The following DHX57 variants were observed in gnomAD, a reference collection of about 807,000 sequenced individuals.
The protein encoded by DHX57 is putative ATP-dependent RNA helicase DHX57.
In DHX57, 105 loss-of-function variants were observed where a neutral mutation model predicts 156.2. The ratio of observed to expected loss-of-function variants is 0.67; its 90% CI spans 0.57 to 0.79. The LOEUF (loss-of-function observed/expected upper bound fraction) is 0.79, where lower values mean the gene tolerates loss of function less well. Among genes scored for constraint, DHX57 ranks in the 30% least tolerant of loss-of-function variants. The pLI is 0.00. For synonymous variants in DHX57, 704 were observed against 595.6 expected (o/e 1.18, Z -2.65); for missense variants, 1,847 against 1,661.9 (o/e 1.11, Z -1.94).
intron 21 of DHX57, chr2:38,810,480 C>T (rs531019952): frequency 3.8e-5 from 21 of 548,196 alleles, no homozygotes; most frequent in Non-Finnish European, 7.5e-5. Flanking sequence ...TTCCTTCATC[C>T]TGAGGGAATT....
At chr2:38,840,362 T>C (rs1671920379) in intron 12 of DHX57, among the ~76,000 whole-genome samples, 1 of 151,566 alleles carries the variant, frequency 6.6e-6, no homozygotes, top group East Asian at 2.0e-4. Context: ...AAAGAGAACA[T>C]TGAGATCAAC....
At chr2:38,826,770 C>A (rs1285707685) in intron 14 of DHX57, 81 bp from the exon 15 acceptor site, 1 of 1,450,142 alleles carries the variant, frequency 6.9e-7, no homozygotes, top group African/African-American at 1.4e-5. Flanking sequence ...TCTACTAAAA[C>A]CAACAATATG....
chr2:38,806,264 C>T, intron 22 of DHX57: 1 of 296,254 alleles, frequency 3.4e-6, no homozygotes, highest in Non-Finnish European at 6.2e-6. Flanking sequence ...CCTTTTAAGG[C>T]ACAGATTCAG....
Position 38,828,236 on chromosome 2 carries a change from T to C in DHX57, c.2639+104A>G, listed in dbSNP as rs1214217162. ...CTCATTTCCAGCTGGCATAAACAAA[T>C]GTATGCTCGAAGACTGGTGCTCTTC... On this transcript the variant is annotated intron_variant, in intron 14 of 23. Coordinates refer to ENST00000457308, the MANE Select transcript of DHX57 (RefSeq NM_198963.3). 9.6e-6 allele frequency: 7 copies of C among 728,230 alleles called. No individual in the cohort carries two copies. In the East Asian group the frequency reaches 2.2e-4, roughly 23 times the overall value. The allele number at this position is 728,230 out of a possible 1,614,324, so 45.1% of individuals were successfully genotyped here.
At chr2:38,812,490 G>A (rs1015798978) in intron 21 of DHX57, among the ~76,000 whole-genome samples, 7 of 152,198 alleles carry the variant, frequency 4.6e-5, no homozygotes, top group East Asian at 3.8e-4. Flanking sequence ...CTCAAGTAGG[G>A]TTTCCAGAAG....
intron 2 of DHX57, 68 bp from the exon 3 acceptor site, chr2:38,863,587 GTCCCC>G: frequency 6.7e-7 from 1 of 1,483,670 alleles, no homozygotes; most frequent in Non-Finnish European, 9.1e-7. Context: ...CTCCTCAGGG[GTCCCC>G]AGATATACAC....
intron 9 of DHX57, among the ~76,000 whole-genome samples, chr2:38,849,737 C>T (rs1230057507): frequency 1.3e-5 from 2 of 152,138 alleles, no homozygotes; most frequent in Non-Finnish European, 2.9e-5. Flanking sequence ...TTGAGGCATG[C>T]ACCTTGGGTC....
chr2:38,860,557 G>T (rs1338036847), intron 5 of DHX57, among the ~76,000 whole-genome samples: 2 of 152,182 alleles, frequency 1.3e-5, no homozygotes, highest in Admixed American at 1.3e-4. Flanking sequence ...TATCCCTAAA[G>T]AATTCTGGGG....
chr2:38,835,641 A>C (rs1211763309), intron 13 of DHX57, among the ~76,000 whole-genome samples: 1 of 152,202 alleles, frequency 6.6e-6, no homozygotes. Context: ...TTATACAGGT[A>C]CTCTATGGAA....
At chr2:38,802,553 G>A (rs896482572) in intron 23 of DHX57, among the ~76,000 whole-genome samples, 162 bp downstream of exon 23, 15 of 152,024 alleles carry the variant, frequency 9.9e-5, no homozygotes, top group Admixed American at 2.6e-4. Context: ...CTCCCAAAGT[G>A]CTGGGATTAT....
intron 3 of DHX57, 73 bp downstream of exon 3, chr2:38,863,288 A>G: frequency 6.7e-7 from 1 of 1,484,054 alleles, no homozygotes; most frequent in Non-Finnish European, 9.1e-7. Context: ...CAGCATTCCA[A>G]AGATGCACAG....
chr2:38,835,160 T>C (rs1293888943), intron 13 of DHX57, among the ~76,000 whole-genome samples: 3 of 152,152 alleles, frequency 2.0e-5, no homozygotes, highest in Non-Finnish European at 4.4e-5. Flanking sequence ...GAGAAATGTA[T>C]CTGCCTGAAA....
At chr2:38,831,410 A>G (rs557752448) in intron 13 of DHX57, among the ~76,000 whole-genome samples, 113 of 150,616 alleles carry the variant, frequency 7.5e-4, no homozygotes, top group East Asian at 5.9e-4. Flanking sequence ...GCTTGCTGCA[A>G]CCTCTGCCTC....
At chr2:38,818,794 A>T (rs1670671190) in intron 19 of DHX57, 83 bp downstream of exon 19, 3 of 1,452,024 alleles carry the variant, frequency 2.1e-6, no homozygotes, top group Non-Finnish European at 2.9e-6. Context: ...ATGTTAAGAC[A>T]GGACACATGA....
At chr2:38,865,911 T>C (rs1665045236) in intron 2 of DHX57, among the ~76,000 whole-genome samples, 1 of 152,162 alleles carries the variant, frequency 6.6e-6, no homozygotes, top group African/African-American at 2.4e-5. Context: ...CCCTTTATAG[T>C]TTATTCTCTA....
chr2:38,844,092 A>G (rs1487385604), intron 11 of DHX57, among the ~76,000 whole-genome samples: 1 of 151,812 alleles, frequency 6.6e-6, no homozygotes, highest in Non-Finnish European at 1.5e-5. Context: ...ACTTCCTCCA[A>G]CCCCTTCTCT....
At chr2:38,815,258 T>G (rs1204902936) in intron 20 of DHX57, among the ~76,000 whole-genome samples, 1 of 151,802 alleles carries the variant, frequency 6.6e-6, no homozygotes, top group Non-Finnish European at 1.5e-5. Context: ...AGATGAGGGA[T>G]TTCACCATGT....
intron 21 of DHX57, among the ~76,000 whole-genome samples, chr2:38,812,118 G>A (rs565432284): frequency 3.3e-5 from 5 of 152,072 alleles, no homozygotes; most frequent in East Asian, 1.9e-4. Flanking sequence ...CACAGGAAGC[G>A]GCAAAATAGT....
At position 38,826,496 on chromosome 2, in the gene DHX57, A is replaced by G; in HGVS notation, c.2813+20T>C. 1 of 1,609,354 alleles carries G rather than the reference A, an allele frequency of 6.2e-7. No individual in the cohort carries two copies. Among genetic ancestry groups the G allele is most frequent in the Non-Finnish European group, 8.5e-7 (1 of 1,176,608 alleles). ...GAAGCATTTTTAGCCCCTCTCTTAC[A>G]TCACCACAAGACGGAATACCTCTTT... On this transcript the variant is annotated intron_variant, in intron 15 of 23. Transcript: ENST00000457308.
Sources: gnomAD v4.1 joint callset for allele counts (sites outside exome capture counted in the v4.1 genomes callset) on GRCh38, gnomAD v4.1.1 for gene constraint, MANE v1.5 for transcripts, NCBI Gene and HGNC (gene_info 2026-07-23, HGNC 2026-07-21) for gene names.